The following NPTXR variants were observed in gnomAD, a reference collection of about 807,000 sequenced individuals.
NPTXR encodes neuronal pentraxin receptor.
A neutral mutation model predicts 32.2 loss-of-function variants in NPTXR; 12 were observed. The ratio of observed to expected loss-of-function variants is 0.37; its 90% CI spans 0.24 to 0.60. The LOEUF is 0.60. NPTXR is among the 20% of genes least tolerant of loss of function. NPTXR has a pLI of 0.66. For missense variants in NPTXR, 612 were observed against 682.9 expected (o/e 0.90, Z 1.16); for synonymous variants, 323 against 315.8 (o/e 1.02, Z -0.24).
At chr22:38,828,180 C>CCT in intron 2 of NPTXR, 107 bp downstream of exon 2, 1 of 842,580 alleles carries the variant, frequency 1.2e-6, no homozygotes, top group Non-Finnish European at 1.9e-6. Context: ...CTCCTCCCCA[C>CCT]CCTCCAGTCT....
chr22:38,830,463 G>A (rs1369889473), intron 1 of NPTXR, among the ~76,000 whole-genome samples: 59 of 152,210 alleles, frequency 3.9e-4, no homozygotes, highest in Admixed American at 3.7e-3. Context: ...ACATGCCAGT[G>A]TCCCCATTTC....
Position 38,826,647 on chromosome 22 carries a change from G to A in NPTXR, c.951C>T (p.Tyr317=), listed in dbSNP as rs5757299. ...GCAGCCACATGCAGGCGGTGAATGC[G>A]TAGAGCTCGGGCAGAGCCTTCCGCA... Residue 317 remains tyrosine, a synonymous_variant, in exon 3 of 5, where the codon TAC becomes TAT. Transcript: ENST00000333039. 0.4 allele frequency: 652,473 copies of A among 1,614,022 alleles called. 136,201 individuals carry two copies. The highest frequency in any genetic ancestry group is 0.75 in the East Asian group (33,717 of 44,852).
chr22:38,831,863 T>C (rs1286238069), intron 1 of NPTXR, among the ~76,000 whole-genome samples: 1 of 152,162 alleles, frequency 6.6e-6, no homozygotes, highest in Non-Finnish European at 1.5e-5. Context: ...AGCTGCTCGC[T>C]GAGGCTGGCA....
At chr22:38,830,913 G>A (rs933751861) in intron 1 of NPTXR, among the ~76,000 whole-genome samples, 3 of 152,160 alleles carry the variant, frequency 2.0e-5, no homozygotes, top group Non-Finnish European at 2.9e-5. Context: ...AAGAGGTCAC[G>A]GCCTCCCAGC....
rs1451191687 is a variant in NPTXR at position 38,842,922 on chromosome 22, T to G, written c.624+313A>C. 3.3e-5 allele frequency among the ~76,000 whole-genome samples: 5 copies of G among 152,306 alleles called. No individual in the cohort carries two copies. In the East Asian group the frequency reaches 9.6e-4, roughly 29 times the overall value. Reference sequence around the variant, plus strand: ...GCCAAGCATTTTCACACACCTACATTTGATTCAATTTCCACTACAAGTGGA... The same window carrying G: ...GCCAAGCATTTTCACACACCTACATGTGATTCAATTTCCACTACAAGTGGA... On this transcript the variant is annotated intron_variant, in intron 1 of 4. Transcript: ENST00000333039.
chr22:38,826,084 C>T (rs2093106133), intron 3 of NPTXR, among the ~76,000 whole-genome samples: 1 of 152,126 alleles, frequency 6.6e-6, no homozygotes, highest in South Asian at 2.1e-4. Flanking sequence ...ACCTCGTGAT[C>T]CGCCCGCCTC....
chr22:38,831,719 G>A (rs1254394881), intron 1 of NPTXR, among the ~76,000 whole-genome samples: 1 of 152,008 alleles, frequency 6.6e-6, no homozygotes, highest in Non-Finnish European at 1.5e-5. Context: ...GGTGTCCCTG[G>A]TCCCAGGTAC....
intron 3 of NPTXR, among the ~76,000 whole-genome samples, chr22:38,824,367 G>A (rs565881616): frequency 4.6e-5 from 7 of 152,206 alleles, no homozygotes; most frequent in African/African-American, 1.7e-4. Flanking sequence ...TGGGGATGTG[G>A]AGCTGGTCCA....
At chr22:38,823,677 G>A (rs2093101833) in intron 3 of NPTXR, among the ~76,000 whole-genome samples, 1 of 152,200 alleles carries the variant, frequency 6.6e-6, no homozygotes, top group Admixed American at 6.5e-5. Context: ...TCTGGCCCTG[G>A]CTCTGCCACC....
intron 1 of NPTXR, among the ~76,000 whole-genome samples, chr22:38,829,481 A>G (rs976775225): frequency 1.5e-4 from 23 of 152,218 alleles, no homozygotes; most frequent in Non-Finnish European, 2.8e-4. Flanking sequence ...TCAAGGGGAC[A>G]GTCTGTGGCA....
At chr22:38,840,109 T>C (rs1483334319) in intron 1 of NPTXR, among the ~76,000 whole-genome samples, 1 of 152,292 alleles carries the variant, frequency 6.6e-6, no homozygotes, top group African/African-American at 2.4e-5. Flanking sequence ...ACTTGAGGCT[T>C]TGGGGAGAGG....
chr22:38,838,573 AT>A (rs139377592), intron 1 of NPTXR, among the ~76,000 whole-genome samples: 1,824 of 83,016 alleles, frequency 0.022, 39 homozygotes, highest in African/African-American at 0.062. Context: ...TCACCTGGCT[AT>A]TTTTTTTTTT....
intron 1 of NPTXR, among the ~76,000 whole-genome samples, chr22:38,833,445 G>C (rs372812024): frequency 6.6e-6 from 1 of 152,206 alleles, no homozygotes; most frequent in Non-Finnish European, 1.5e-5. Flanking sequence ...TCTGAGTCCT[G>C]CTAGGGCTCA....
chr22:38,833,201 C>T (rs1232846948), intron 1 of NPTXR, among the ~76,000 whole-genome samples: 2 of 152,338 alleles, frequency 1.3e-5, no homozygotes, highest in East Asian at 3.9e-4. Context: ...GGTAGTGGTA[C>T]TCCCAGCTGG....
chr22:38,843,381 G>T lies in NPTXR; in HGVS notation c.478C>A (p.Arg160Ser). 7.1e-7 allele frequency: 1 copy of T among 1,409,934 alleles called. No individual in the cohort carries two copies. The highest frequency in any genetic ancestry group is 1.5e-5 in the South Asian group (1 of 66,392). The allele number at this position is 1,409,934 out of a possible 1,614,324, so 87.3% of individuals were successfully genotyped here. Residue 160 changes from arginine to serine, a missense_variant, in exon 1 of 5, where the codon CGC becomes AGC. Arg to Ser is a moderately radical substitution (Grantham distance 110). Coordinates refer to ENST00000333039, the MANE Select transcript of NPTXR (RefSeq NM_014293.4). The surrounding 1 kb of genome is among the most constrained non-coding windows in gnomAD (Gnocchi z 5.3). ...CCGCGCGGCAGGCCGCTCTCGCAGC[G>T]GCCCAGCTTGCCGGTGAGCTCACGG...
intron 1 of NPTXR, among the ~76,000 whole-genome samples, chr22:38,837,746 C>T (rs1042811269): frequency 1.3e-5 from 2 of 152,156 alleles, no homozygotes; most frequent in Non-Finnish European, 2.9e-5. Flanking sequence ...ATAAGAAAAC[C>T]AAGGCACCAA....
Position 38,843,365 on chromosome 22 carries a change from A to G in NPTXR, c.494T>C (p.Leu165Pro). Residue 165 changes from leucine (L) to proline (P), a missense_variant, in exon 1 of 5, where the codon CTG (leucine) becomes CCG (proline). Coordinates refer to ENST00000333039, the MANE Select transcript of NPTXR (RefSeq NM_014293.4). This position sits in a 1 kb window ranked among gnomAD's most constrained non-coding sequence, Gnocchi z 5.3. Reference sequence around the variant, plus strand: ...CCCGGCGCCCTGGAGGCCGCGCGGCAGGCCGCTCTCGCAGCGGCCCAGCTT... The same window carrying G: ...CCCGGCGCCCTGGAGGCCGCGCGGCGGGCCGCTCTCGCAGCGGCCCAGCTT... The G allele has an allele frequency of 9.2e-6, 13 of 1,410,470 alleles. No homozygotes were observed. The highest frequency in any genetic ancestry group is 1.2e-5 in the Non-Finnish European group (13 of 1,090,620). The allele number at this position is 1,410,470 out of a possible 1,614,324, so 87.4% of individuals were successfully genotyped here.
At position 38,826,539 on chromosome 22, in the gene NPTXR, C is replaced by T; in HGVS notation, c.1059G>A (p.Glu353=). The change falls in exon 3 of 5, where the codon GAG becomes GAA. Residue 353 remains glutamate, a synonymous_variant. Transcript: ENST00000333039. ...GCAGCTCCATGGGCTCATGGCCCGC[C>T]TCTAGCAGTACAATCTCGTTGGCCT... 1 of 1,613,880 alleles carries T rather than the reference C, an allele frequency of 6.2e-7. No homozygotes were observed. The highest frequency in any genetic ancestry group is 8.5e-7 in the Non-Finnish European group (1 of 1,179,860).
chr22:38,822,951 A>G, intron 4 of NPTXR, 118 bp from the exon 5 acceptor site: 1 of 1,425,952 alleles, frequency 7.0e-7, no homozygotes, highest in Non-Finnish European at 9.7e-7. Context: ...ACCCCACTGA[A>G]GCCCCACCGC....
Sources: gnomAD v4.1 joint callset for allele counts (sites outside exome capture counted in the v4.1 genomes callset) on GRCh38, gnomAD v4.1.1 for gene constraint, Gnocchi (gnomAD v3.1) non-coding constraint, MANE v1.5 for transcripts, NCBI Gene and HGNC (gene_info 2026-07-23, HGNC 2026-07-21) for gene names.